ERC1: variants seen among roughly 807,000 people sequenced by gnomAD.
ERC1 encodes the protein RAB6 interacting protein 2.
A neutral mutation model predicts 132.0 loss-of-function variants in ERC1; 56 were observed. The observed-to-expected ratio is 0.42, with a 90% CI of 0.34 to 0.53. ERC1 has a LOEUF of 0.53. Among genes scored for constraint, ERC1 ranks in the 20% least tolerant of loss-of-function variants. The pLI, the probability that ERC1 is intolerant of heterozygous loss-of-function variation, is 0.03. For missense variants in ERC1, 1,202 were observed against 1,349.9 expected (o/e 0.89, Z 1.72); for synonymous variants, 478 against 476.1 (o/e 1.00, Z -0.05).
chr12:1,006,132 T>C (rs1963529312), intron 1 of ERC1, among the ~76,000 whole-genome samples: 1 of 152,014 alleles, frequency 6.6e-6, no homozygotes, highest in African/African-American at 2.4e-5. Context: ...CATTTTTGTA[T>C]TTTTAGTAGA....
Position 1,488,924 on chromosome 12 carries a change from C to G in ERC1, c.3214-1169C>G, listed in dbSNP as rs74545033. Reference sequence around the variant, plus strand: ...CCTTGCCTAACCCCCACCTGGGCTGCGAGCAGGAGCTGCCCTTGGTGGACT... The same window carrying G: ...CCTTGCCTAACCCCCACCTGGGCTGGGAGCAGGAGCTGCCCTTGGTGGACT... On this transcript the variant is annotated intron_variant, in intron 18 of 18. Transcript: ENST00000360905. 9.5e-3 allele frequency among the ~76,000 whole-genome samples: 1,446 copies of G among 152,224 alleles called. 25 individuals carry two copies. Among genetic ancestry groups the G allele is most frequent in the African/African-American group, 0.033 (1,363 of 41,526 alleles).
chr12:1,399,927 A>G (rs1384695677), intron 16 of ERC1, among the ~76,000 whole-genome samples: 4 of 152,188 alleles, frequency 2.6e-5, no homozygotes, highest in African/African-American at 9.7e-5. Flanking sequence ...GCTAAGTCAT[A>G]TGGTAATTGT....
At chr12:1,161,429 T>C (rs1457696983) in intron 8 of ERC1, among the ~76,000 whole-genome samples, 2 of 152,170 alleles carry the variant, frequency 1.3e-5, no homozygotes, top group African/African-American at 4.8e-5. Flanking sequence ...ATTCGTAATA[T>C]ACGCTCTTAA....
chr12:1,389,396 C>T (rs2089736642), intron 16 of ERC1, among the ~76,000 whole-genome samples: 1 of 152,168 alleles, frequency 6.6e-6, no homozygotes, highest in African/African-American at 2.4e-5. Context: ...GCAAGTTATA[C>T]TTACTTTTTA....
intron 1 of ERC1, among the ~76,000 whole-genome samples, chr12:1,002,922 A>G (rs952626607): frequency 1.3e-5 from 2 of 151,732 alleles, no homozygotes; most frequent in African/African-American, 4.8e-5. Flanking sequence ...TGTGTTGCAA[A>G]TATTTCCACC....
chr12:1,438,966 TATATAA>T (rs1471975195), intron 17 of ERC1, among the ~76,000 whole-genome samples: 2,722 of 150,564 alleles, frequency 0.018, 94 homozygotes, highest in African/African-American at 0.063. Flanking sequence ...TATATATATA[TATATAA>T]AAAATGACAT....
intron 2 of ERC1, among the ~76,000 whole-genome samples, chr12:1,060,631 C>T (rs1165315956): frequency 1.3e-5 from 2 of 152,092 alleles, no homozygotes; most frequent in Non-Finnish European, 2.9e-5. Context: ...CATCAGATCT[C>T]ATGAGACTTA....
intron 18 of ERC1, among the ~76,000 whole-genome samples, chr12:1,487,809 C>A (rs1217437227): frequency 6.9e-6 from 1 of 145,642 alleles, no homozygotes; most frequent in Non-Finnish European, 1.5e-5. Context: ...AGAAAAGAAA[C>A]GAGAGAGAGA....
intron 2 of ERC1, among the ~76,000 whole-genome samples, chr12:1,042,081 G>A (rs1235026662): frequency 6.6e-6 from 1 of 152,048 alleles, no homozygotes; most frequent in Non-Finnish European, 1.5e-5. Flanking sequence ...TGTTGCCCAG[G>A]CTGGAGTGTG....
At chr12:1,004,619 C>T (rs567243095) in intron 1 of ERC1, among the ~76,000 whole-genome samples, 2 of 151,854 alleles carry the variant, frequency 1.3e-5, no homozygotes, top group Admixed American at 6.6e-5. Flanking sequence ...GTTGGCCAGG[C>T]TGGTCTCAAA....
At chr12:1,362,049 C>T (rs967763316) in intron 15 of ERC1, among the ~76,000 whole-genome samples, 1 of 152,188 alleles carries the variant, frequency 6.6e-6, no homozygotes, top group Admixed American at 6.5e-5. Context: ...CTTCAGGTGT[C>T]ATTATCTTGC....
chr12:1,426,798 T>C (rs2092655211), intron 17 of ERC1, among the ~76,000 whole-genome samples: 1 of 152,190 alleles, frequency 6.6e-6, no homozygotes, highest in African/African-American at 2.4e-5. Flanking sequence ...TACCTCTAAA[T>C]TCAATGTGTC....
intron 16 of ERC1, among the ~76,000 whole-genome samples, chr12:1,389,051 C>T (rs11061739): frequency 6.6e-6 from 1 of 152,136 alleles, no homozygotes; most frequent in South Asian, 2.1e-4. Context: ...TTGGTGGTTC[C>T]CGTGCTGTTT....
intron 8 of ERC1, among the ~76,000 whole-genome samples, chr12:1,144,299 G>T (rs1314376057): frequency 6.6e-6 from 1 of 152,008 alleles, no homozygotes; most frequent in Non-Finnish European, 1.5e-5. Flanking sequence ...GTGGTGTTTG[G>T]TGACATGGAT....
chr12:1,190,371 TTCTC>T (rs1360597979), intron 12 of ERC1, among the ~76,000 whole-genome samples: 1 of 152,218 alleles, frequency 6.6e-6, no homozygotes, highest in African/African-American at 2.4e-5. Flanking sequence ...ACTTTTTAAT[TTCTC>T]TATATAATGA....
chr12:1,248,426 A>C (rs1039433692), intron 13 of ERC1, among the ~76,000 whole-genome samples: 2 of 152,212 alleles, frequency 1.3e-5, no homozygotes, highest in Non-Finnish European at 2.9e-5. Flanking sequence ...TTGGGCAACA[A>C]ATTTAGGTAG....
At chr12:1,416,413 T>C (rs528763988) in intron 17 of ERC1, among the ~76,000 whole-genome samples, 1 of 152,266 alleles carries the variant, frequency 6.6e-6, no homozygotes, top group African/African-American at 2.4e-5. Context: ...GAATATGATG[T>C]GTAGGGGCTG....
chr12:1,283,964 T>C (rs566015959), intron 14 of ERC1, among the ~76,000 whole-genome samples: 1 of 152,312 alleles, frequency 6.6e-6, no homozygotes, highest in East Asian at 1.9e-4. Flanking sequence ...GATTTAACTA[T>C]AGTCTCCCTA....
At chr12:1,304,956 A>AT (rs2080760272) in intron 15 of ERC1, among the ~76,000 whole-genome samples, 1 of 150,984 alleles carries the variant, frequency 6.6e-6, no homozygotes, top group Admixed American at 6.6e-5. Context: ...CGCCCGGCTA[A>AT]TTTTTTGTAT....
Sources: gnomAD v4.1 joint callset for allele counts (sites outside exome capture counted in the v4.1 genomes callset) on GRCh38, gnomAD v4.1.1 for gene constraint, MANE v1.5 for transcripts, NCBI Gene and HGNC (gene_info 2026-07-23, HGNC 2026-07-21) for gene names.